Variants in TBC1D31 observed in about 807,000 individuals in gnomAD.
TBC1D31 encodes the protein WD repeat domain 67.
A neutral mutation model predicts 132.9 loss-of-function variants in TBC1D31; 99 were observed. The observed-to-expected ratio is 0.74, with a 90% CI of 0.63 to 0.88. The LOEUF (loss-of-function observed/expected upper bound fraction) is 0.88, where lower values mean the gene tolerates loss of function less well. Ranked by LOEUF, TBC1D31 falls within the 40% of genes least tolerant of loss-of-function variation. The pLI is 0.00. For synonymous variants in TBC1D31, 385 were observed against 419.4 expected, an observed-to-expected ratio of 0.92 and a Z score of 1.00; for missense variants, 1,134 against 1,256.6, an observed-to-expected ratio of 0.90 and a Z score of 1.48.
In TBC1D31 at chr8:123,072,759, C is replaced by G; in HGVS notation, c.-11C>G. The G allele has an allele frequency of 3.9e-6, 6 of 1,557,182 alleles. No individual in the cohort carries two copies. Among genetic ancestry groups the G allele is most frequent in the Non-Finnish European group, 4.3e-6 (5 of 1,150,674 alleles). ...CCAGCGGGCCGCCGGCGGTCGTGGG[C>G]AAGCTTCGCCATGCAGAGCACTGAC... On this transcript the variant is annotated 5_prime_UTR_variant, in exon 1 of 22. Transcript: ENST00000287380.
intron 19 of TBC1D31, among the ~76,000 whole-genome samples, chr8:123,143,187 C>T (rs1449618420): frequency 1.3e-5 from 2 of 152,192 alleles, no homozygotes. Context: ...GTTCTGCCTC[C>T]CATCTGAGTC....
chr8:123,116,520 G>A (rs1309861506), intron 10 of TBC1D31, among the ~76,000 whole-genome samples: 11 of 152,154 alleles, frequency 7.2e-5, no homozygotes, highest in Admixed American at 2.6e-4. Context: ...AGTTCTTAAC[G>A]TATATGCAGA....
chr8:123,104,990 A>G (rs1201868792), intron 7 of TBC1D31, among the ~76,000 whole-genome samples: 1 of 152,182 alleles, frequency 6.6e-6, no homozygotes, highest in Non-Finnish European at 1.5e-5. Context: ...TTTACCATGT[A>G]TGTGTAAACA....
chr8:123,126,517 T>C lies in TBC1D31; in HGVS notation c.1714T>C (p.Trp572Arg). 2 of 1,613,882 alleles carry C rather than the reference T, an allele frequency of 1.2e-6. No individual in the cohort carries two copies. Among genetic ancestry groups the C allele is most frequent in the Non-Finnish European group, 1.7e-6 (2 of 1,179,944 alleles). Reference protein sequence around the residue: ...DHDITSQLYAWPLLETVFSEV... With the variant: ...DHDITSQLYARPLLETVFSEV... The stretch of plus-strand genomic sequence containing the variant: ...TCCTTATCTGTTTTAGCTATATGCA[T>C]GGCCTCTTCTTGAAACTGTGTTCTC... The change falls in exon 13 of 22, where the codon TGG becomes CGG. Residue 572 changes from tryptophan (W) to arginine (R), a missense_variant. Coordinates refer to ENST00000287380, the MANE Select transcript of TBC1D31 (RefSeq NM_145647.4).
rs768702703 is a variant in TBC1D31 at position 123,120,113 on chromosome 8, C to T, written c.1495C>T (p.Leu499Phe). The T allele has an allele frequency of 1.2e-6, 2 of 1,611,236 alleles. No homozygotes were observed. The highest frequency in any genetic ancestry group is 1.7e-6 in the Non-Finnish European group (2 of 1,178,512). Reference protein sequence around the residue: ...VIFSDTPYLPLLAFPFVKLFQ... With the variant: ...VIFSDTPYLPFLAFPFVKLFQ... The stretch of plus-strand genomic sequence containing the variant: ...TTTTAGTGACACACCATATCTTCCA[C>T]TCTTGGCATTTCCATTTGTAAAATT... Residue 499 changes from leucine (L) to phenylalanine (F), a missense_variant, in exon 11 of 22, where the codon CTC becomes TTC. Transcript: ENST00000287380.
chr8:123,097,640 C>G, intron 6 of TBC1D31, 199 bp downstream of exon 6: 1 of 499,138 alleles, frequency 2.0e-6, no homozygotes, highest in Non-Finnish European at 3.3e-6. Flanking sequence ...ACAATTTGCT[C>G]TTTTTATAAA....
chr8:123,128,901 A>G (rs1820359289), intron 14 of TBC1D31, among the ~76,000 whole-genome samples, 165 bp from the exon 15 acceptor site: 1 of 152,116 alleles, frequency 6.6e-6, no homozygotes, highest in African/African-American at 2.4e-5. Context: ...CATTTAAATT[A>G]TGAGTATTTG....
chr8:123,083,464 C>T (rs1025395785), intron 3 of TBC1D31: 14 of 151,598 alleles, frequency 9.2e-5, no homozygotes, highest in African/African-American at 1.9e-4. Flanking sequence ...TGTCATGTTG[C>T]CCAGGTTGGT....
chr8:123,097,317 A>T lies in TBC1D31; in HGVS notation c.707A>T (p.Asn236Ile), dbSNP rs749342592. 2 of 1,614,176 alleles carry T rather than the reference A, an allele frequency of 1.2e-6. No individual in the cohort carries two copies. Among genetic ancestry groups the T allele is most frequent in the East Asian group, 4.5e-5 (2 of 44,866 alleles). ...GRILAAGGKS[N>I]HLHLWCLEAR... ...ATCCTGGCTGCTGGAGGCAAGTCAA[A>T]TCATCTTCATTTGTGGTGCTTGGAA... is the stretch of plus-strand genomic sequence containing the variant. Residue 236 changes from asparagine to isoleucine, a missense_variant, in exon 6 of 22, where the codon AAT (asparagine) becomes ATT (isoleucine). Coordinates refer to ENST00000287380, the MANE Select transcript of TBC1D31 (RefSeq NM_145647.4).
At chr8:123,161,875 G>A in the TBC1D31 span, among the ~76,000 whole-genome samples, 1 of 151,832 alleles carries the variant, frequency 6.6e-6, no homozygotes, top group East Asian at 1.9e-4. Context: ...AAAATTAGCC[G>A]GGCGTGGTGG....
In TBC1D31 at chr8:123,073,568, A is replaced by G. The variant is rs892636387; in HGVS notation, c.77+722A>G. ...TTGTTTCCCTGGAAGCCTTTGCTAC[A>G]AAGCGGTGCCATTTGGATTTCGATT... On this transcript the variant is annotated intron_variant, in intron 1 of 21. Transcript: ENST00000287380. The G allele has an allele frequency of 4.2e-5, 15 of 358,074 alleles. 1 individual carries two copies. The highest frequency in any genetic ancestry group is 3.8e-4 in the Admixed American group (10 of 26,522). The allele number at this position is 358,074 out of a possible 1,614,324, so 22.2% of individuals were successfully genotyped here.
chr8:123,083,997 A>G (rs1815459934), intron 3 of TBC1D31, 165 bp from the exon 4 acceptor site: 1 of 599,044 alleles, frequency 1.7e-6, no homozygotes, highest in African/African-American at 1.9e-5. Context: ...TCCGTCATAC[A>G]CTTTATCAAC....
At chr8:123,158,671 G>A in the TBC1D31 span, among the ~76,000 whole-genome samples, 7 of 152,276 alleles carry the variant, frequency 4.6e-5, no homozygotes, top group African/African-American at 1.7e-4. Context: ...GGGGTGTTAA[G>A]GGGGCAAAAG....
intron 17 of TBC1D31, among the ~76,000 whole-genome samples, chr8:123,136,758 G>GT (rs1420936331): frequency 1.3e-5 from 2 of 151,990 alleles, no homozygotes; most frequent in African/African-American, 2.4e-5. Flanking sequence ...CCTATGCTGA[G>GT]TTTTTTTTCT....
chr8:123,093,656 G>A lies in TBC1D31; in HGVS notation c.585G>A (p.Trp195Ter). The change falls in exon 5 of 22, where the codon TGG (tryptophan) becomes TGA (stop). Residue 195 changes from tryptophan (W) to a stop codon, truncating the protein, a stop_gained. Coordinates refer to ENST00000287380, the MANE Select transcript of TBC1D31 (RefSeq NM_145647.4). LOFTEE classifies it high-confidence loss of function. Reference protein sequence around the residue: ...SCFKDNSIFAWECDTLFCKYQ... With the variant: ...SCFKDNSIFA ...TTAAAGATAATTCCATTTTTGCCTG[G>A]GAATGTGACACACTTTTTTGCAAAT... is the stretch of plus-strand genomic sequence containing the variant. 6.2e-7 allele frequency: 1 copy of A among 1,610,770 alleles called. No homozygotes were observed. The highest frequency in any genetic ancestry group is 8.5e-7 in the Non-Finnish European group (1 of 1,177,748).
intron 10 of TBC1D31, among the ~76,000 whole-genome samples, chr8:123,119,120 G>A (rs1338985910): frequency 6.6e-6 from 1 of 152,176 alleles, no homozygotes; most frequent in Non-Finnish European, 1.5e-5. Flanking sequence ...TTCTCACCTA[G>A]ATTAAAGGTT....
rs529117746 is a variant in TBC1D31, at chr8:123,094,821, G to A, written c.671+1079G>A. On this transcript the variant is annotated intron_variant, in intron 5 of 21. Coordinates refer to ENST00000287380, the MANE Select transcript of TBC1D31 (RefSeq NM_145647.4). ...CTCCCAAAGTGCTGGGATTACAGGC[G>A]TGAGCCACTGCACCCGACCTATTAT... 6.6e-5 allele frequency among the ~76,000 whole-genome samples: 10 copies of A among 152,230 alleles called. No individual in the cohort carries two copies. In the South Asian group the frequency reaches 1.2e-3, roughly 19 times the overall value.
intron 11 of TBC1D31, among the ~76,000 whole-genome samples, chr8:123,120,772 T>C (rs557812099): frequency 2.0e-5 from 3 of 152,096 alleles, no homozygotes; most frequent in Non-Finnish European, 2.9e-5. Context: ...GTGCAAGAAT[T>C]TTATTTTTCT....
chr8:123,152,171 G>A, downstream of TBC1D31: 1 of 364,242 alleles, frequency 2.7e-6, no homozygotes, highest in Non-Finnish European at 4.8e-6. Context: ...TAAGCTTTCA[G>A]GTTGCAGGGA....
Sources: gnomAD v4.1 joint callset for allele counts (sites outside exome capture counted in the v4.1 genomes callset) on GRCh38, gnomAD v4.1.1 for gene constraint, MANE v1.5 for transcripts, NCBI Gene and HGNC (gene_info 2026-07-23, HGNC 2026-07-21) for gene names.